The following ANGPT1 variants were observed in gnomAD, a reference collection of about 807,000 sequenced individuals.
The protein encoded by ANGPT1 is angiopoietin 1, also known as angiopoietin-1.
A neutral mutation model predicts 62.2 loss-of-function variants in ANGPT1; 17 were observed. The observed-to-expected ratio is 0.27, with a 90% CI of 0.19 to 0.41. The LOEUF is 0.41. Among genes scored for constraint, ANGPT1 ranks in the 10% least tolerant of loss-of-function variants. ANGPT1 has a pLI of 1.00. For synonymous variants in ANGPT1, 199 were observed against 198.9 expected (o/e 1.00, Z 0.00); for missense variants, 478 against 594.9 (o/e 0.80, Z 2.04).
chr8:107,490,249 G>T (rs1812923291), intron 1 of ANGPT1, among the ~76,000 whole-genome samples: 2 of 152,176 alleles, frequency 1.3e-5, no homozygotes, highest in Non-Finnish European at 2.9e-5. Context: ...CTAGTGTTTT[G>T]TCAGCATTCT....
chr8:107,366,990 C>T (rs1356312033), intron 1 of ANGPT1, among the ~76,000 whole-genome samples: 1 of 152,092 alleles, frequency 6.6e-6, no homozygotes, highest in African/African-American at 2.4e-5. Flanking sequence ...CTTCCAACAA[C>T]AACGGGGGAA....
chr8:107,377,397 C>T (rs1012536757), intron 1 of ANGPT1, among the ~76,000 whole-genome samples: 1 of 152,138 alleles, frequency 6.6e-6, no homozygotes, highest in Non-Finnish European at 1.5e-5. Flanking sequence ...AAGTCATAAT[C>T]CTGTCTGGAT....
At chr8:107,481,283 C>T (rs1313469585) in intron 1 of ANGPT1, among the ~76,000 whole-genome samples, 1 of 151,970 alleles carries the variant, frequency 6.6e-6, no homozygotes, top group Admixed American at 6.6e-5. Context: ...GCCTGTAATC[C>T]CAGCACTTTG....
At chr8:107,299,828 T>C (rs1351762304) in intron 5 of ANGPT1, among the ~76,000 whole-genome samples, 7 of 89,502 alleles carry the variant, frequency 7.8e-5, no homozygotes, top group African/African-American at 2.4e-4. Flanking sequence ...TCTAGATATG[T>C]AGTTATATCT....
rs575505508 is a variant in ANGPT1 at position 107,267,448 on chromosome 8, G to A, written c.1206-3097C>T. On this transcript the variant is annotated intron_variant, in intron 7 of 8. Coordinates refer to ENST00000517746, the MANE Select transcript of ANGPT1 (RefSeq NM_001146.5). ...CACATTTCTTTCCTGACCTTTCCCC[G>A]TATGAATGTTATCAATGCTATGTTA... Among the ~76,000 whole-genome samples, 8 of 152,074 alleles carry A rather than the reference G, an allele frequency of 5.3e-5. No individual in the cohort carries two copies. The South Asian group carries it at 1.7e-3, about 32-fold the overall frequency.
chr8:107,352,317 C>T (rs1815950247), intron 1 of ANGPT1, among the ~76,000 whole-genome samples: 1 of 152,064 alleles, frequency 6.6e-6, no homozygotes, highest in African/African-American at 2.4e-5. Context: ...AGGCAAATAT[C>T]CAGTCAACTG....
intron 1 of ANGPT1, among the ~76,000 whole-genome samples, chr8:107,445,541 A>T (rs1299911086): frequency 6.6e-6 from 1 of 151,948 alleles, no homozygotes; most frequent in African/African-American, 2.4e-5. Flanking sequence ...TTTTTTTTCC[A>T]AATTCTATTT....
chr8:107,403,557 A>G (rs1817088217), intron 1 of ANGPT1, among the ~76,000 whole-genome samples: 2 of 152,116 alleles, frequency 1.3e-5, no homozygotes, highest in Non-Finnish European at 2.9e-5. Context: ...AGGGAGTATC[A>G]CATGAAAAAA....
At chr8:107,396,623 G>A (rs575418014) in intron 1 of ANGPT1, among the ~76,000 whole-genome samples, 6 of 136,366 alleles carry the variant, frequency 4.4e-5, no homozygotes, top group Non-Finnish European at 6.1e-5. Context: ...TGGACTTAAA[G>A]GATCTTCATG....
Position 107,497,289 on chromosome 8 carries a change from C to T in ANGPT1, c.270G>A (p.Met90Ile). The T allele has an allele frequency of 6.2e-7, 1 of 1,614,142 alleles. No homozygotes were observed. Among genetic ancestry groups the T allele is most frequent in the Non-Finnish European group, 8.5e-7 (1 of 1,180,002 alleles). The change falls in exon 1 of 9, where the codon ATG becomes ATA. Residue 90 changes from methionine to isoleucine, a missense_variant. By Grantham distance (10) the Met-to-Ile change is conservative (BLOSUM62 1). Coordinates refer to ENST00000517746, the MANE Select transcript of ANGPT1 (RefSeq NM_001146.5). ...TTTGCAGCCACTGAGTATAATTTTC[C>T]ATCACATGTTCCAGATGTTGAAGTT... ...SQKLQHLEHVMENYTQWLQKL... is the reference protein window; with the variant it reads ...SQKLQHLEHVIENYTQWLQKL...
chr8:107,441,489 T>C (rs1811474152), intron 1 of ANGPT1, among the ~76,000 whole-genome samples: 1 of 152,144 alleles, frequency 6.6e-6, no homozygotes, highest in South Asian at 2.1e-4. Flanking sequence ...AATTTGTTGT[T>C]GTTCACTTAG....
In ANGPT1 at chr8:107,249,515, C is replaced by T. The variant is rs1339286860; in HGVS notation, c.*2340G>A. The stretch of plus-strand genomic sequence containing the variant: ...ATATTACTTTCAATTTTATTTAAAT[C>T]AAATAATGTTGTGATGATATGAAGA... On this transcript the variant is annotated 3_prime_UTR_variant, in exon 9 of 9. Transcript: ENST00000517746. 1 of 151,962 alleles carries T rather than the reference C, an allele frequency of 6.6e-6. No individual in the cohort carries two copies. The highest frequency in any genetic ancestry group is 1.5e-5 in the Non-Finnish European group (1 of 67,972). The allele number at this position is 151,962 out of a possible 1,614,324, so 9.4% of individuals were successfully genotyped here.
At chr8:107,448,864 C>T (rs1364018268) in intron 1 of ANGPT1, among the ~76,000 whole-genome samples, 1 of 152,080 alleles carries the variant, frequency 6.6e-6, no homozygotes, top group African/African-American at 2.4e-5. Flanking sequence ...GAACTATATG[C>T]AAAGAGTTAA....
intron 1 of ANGPT1, among the ~76,000 whole-genome samples, chr8:107,442,805 A>T (rs1811517202): frequency 6.6e-6 from 1 of 152,142 alleles, no homozygotes; most frequent in Admixed American, 6.5e-5. Flanking sequence ...CAAAGTTTTA[A>T]TTTTCCACAA....
At position 107,251,400 on chromosome 8, in the gene ANGPT1, T is replaced by C. The variant is rs183679422; in HGVS notation, c.*455A>G. 6.4e-6 allele frequency: 1 copy of C among 156,430 alleles called. No individual in the cohort carries two copies. The allele number at this position is 156,430 out of a possible 1,614,324, so 9.7% of individuals were successfully genotyped here. ...AGTATAATTTGTTAGTAGGTTTGCA[T>C]AGATATAACACCTTTTCACTGGTAT... On this transcript the variant is annotated 3_prime_UTR_variant, in exon 9 of 9. Coordinates refer to ENST00000517746, the MANE Select transcript of ANGPT1 (RefSeq NM_001146.5).
chr8:107,334,295 T>C (rs1815508550), intron 3 of ANGPT1, among the ~76,000 whole-genome samples: 1 of 152,158 alleles, frequency 6.6e-6, no homozygotes, highest in Non-Finnish European at 1.5e-5. Context: ...ACATAACTAC[T>C]GAGAGATGGA....
chr8:107,310,600 T>C (rs1317393050), intron 4 of ANGPT1, among the ~76,000 whole-genome samples: 2 of 152,078 alleles, frequency 1.3e-5, no homozygotes, highest in Non-Finnish European at 2.9e-5. Flanking sequence ...ACAAAGAATA[T>C]GTTGACATGA....
intron 1 of ANGPT1, among the ~76,000 whole-genome samples, chr8:107,400,746 G>A (rs1020524169): frequency 2.0e-5 from 3 of 151,946 alleles, no homozygotes; most frequent in Non-Finnish European, 2.9e-5. Flanking sequence ...TTTTAGTAAA[G>A]ACGGGTTTTC....
chr8:107,378,387 A>C (rs1816570111), intron 1 of ANGPT1, among the ~76,000 whole-genome samples: 2 of 152,228 alleles, frequency 1.3e-5, no homozygotes, highest in Non-Finnish European at 2.9e-5. Flanking sequence ...TGTATAGTAT[A>C]AAGGCAAAAT....
Sources: allele counts gnomAD v4.1 joint callset (sites outside exome capture counted in the v4.1 genomes callset), GRCh38; gene constraint gnomAD v4.1.1; transcripts MANE v1.5; gene names NCBI Gene and HGNC (gene_info 2026-07-23, HGNC 2026-07-21).